Variants in UBN1 observed in about 807,000 individuals in gnomAD.
UBN1 encodes the protein ubinuclein 1.
Under a neutral mutation model 108.5 loss-of-function variants are expected in UBN1, and 17 were observed. That is an observed-to-expected ratio of 0.16 (90% CI 0.11 to 0.24). The LOEUF (loss-of-function observed/expected upper bound fraction) is 0.24. Ranked by LOEUF, UBN1 falls within the 10% of genes least tolerant of loss-of-function variation. UBN1 has a pLI of 1.00. For missense variants in UBN1, 1,595 were observed against 1,394.4 expected (o/e 1.14, Z -2.29); for synonymous variants, 726 against 564.2 (o/e 1.29, Z -4.07).
chr16:4,874,011 A>G (rs968436819), intron 14 of UBN1, among the ~76,000 whole-genome samples, 200 bp from the exon 15 acceptor site: 3 of 152,194 alleles, frequency 2.0e-5, no homozygotes, highest in Non-Finnish European at 4.4e-5. Context: ...CTGGCCAACC[A>G]GATACTCACC....
At chr16:4,857,172 T>C (rs7184484) in intron 2 of UBN1, among the ~76,000 whole-genome samples, 11,810 of 151,460 alleles carry the variant, frequency 0.078, 466 homozygotes, top group African/African-American at 0.087. Flanking sequence ...TGAAACCCTA[T>C]CTATACAAAA....
intron 2 of UBN1, among the ~76,000 whole-genome samples, chr16:4,857,043 T>G (rs1395501399): frequency 6.6e-6 from 1 of 152,130 alleles, no homozygotes; most frequent in Non-Finnish European, 1.5e-5. Flanking sequence ...TTATTAAAAT[T>G]AGGATTCCTG....
rs543689344 is a variant in UBN1, at chr16:4,871,127, G to C, written c.1560-28G>C. The C allele has an allele frequency of 4.3e-5, 69 of 1,613,072 alleles. 1 individual carries two copies. The highest frequency in any genetic ancestry group is 5.5e-5 in the Non-Finnish European group (65 of 1,179,652). ...TTGGAGCAGCATCTGAAGTAGTTTG[G>C]AGTTTCTGATTTCTGCCTCCTTCTC... On this transcript the variant is annotated intron_variant, in intron 11 of 17. Coordinates refer to ENST00000262376, the MANE Select transcript of UBN1 (RefSeq NM_001079514.3).
At position 4,880,655 on chromosome 16, in the gene UBN1, C is replaced by T. The variant is rs906780740; in HGVS notation, c.*523C>T. 2 of 157,186 alleles carry T rather than the reference C, an allele frequency of 1.3e-5. No individual in the cohort carries two copies. The highest frequency in any genetic ancestry group is 2.8e-5 in the Non-Finnish European group (2 of 70,530). The allele number at this position is 157,186 out of a possible 1,614,324, so 9.7% of individuals were successfully genotyped here. Reference sequence around the variant, plus strand: ...AGCTGGGAGACCTGCACTGTCCCTGCGAAATACTAAGAACACCTAGGGTGT... The same window carrying T: ...AGCTGGGAGACCTGCACTGTCCCTGTGAAATACTAAGAACACCTAGGGTGT... On this transcript the variant is annotated 3_prime_UTR_variant, in exon 18 of 18. Coordinates refer to ENST00000262376, the MANE Select transcript of UBN1 (RefSeq NM_001079514.3).
chr16:4,870,724 G>T, intron 10 of UBN1, 90 bp downstream of exon 10: 1 of 1,586,474 alleles, frequency 6.3e-7, no homozygotes, highest in Non-Finnish European at 8.6e-7. Flanking sequence ...TTCCCAAGGA[G>T]CCTCTTGGCT....
Position 4,873,543 on chromosome 16 carries a change from A to G in UBN1, c.1800+470A>G, listed in dbSNP as rs142356188. The stretch of plus-strand genomic sequence containing the variant: ...CCTTAGATGTTGCAGAAACCTCTCA[A>G]TGTAGTAAAAATTGCTGTTTATCAA... On this transcript the variant is annotated intron_variant, in intron 14 of 17. Coordinates refer to ENST00000262376, the MANE Select transcript of UBN1 (RefSeq NM_001079514.3). Among the ~76,000 whole-genome samples, 61 of 152,362 alleles carry G rather than the reference A, an allele frequency of 4.0e-4. 1 individual carries two copies. Among genetic ancestry groups the G allele is most frequent in the South Asian group, 2.3e-3 (11 of 4,830 alleles).
Position 4,870,618 on chromosome 16 carries a change from C to G in UBN1, c.1414C>G (p.Gln472Glu). Residue 472 changes from glutamine (Q) to glutamate (E), a missense_variant, in exon 10 of 18, where the codon CAG (glutamine) becomes GAG (glutamate). Physicochemically the swap from Gln to Glu is conservative, Grantham distance 29. This residue lies in a region of UBN1 where 1,398 missense variants were observed against 1,194.7 expected (regional missense o/e 1.17). Transcript: ENST00000262376. ...KYQDECQAHT[Q>E]AKVAKMLEEE... The stretch of plus-strand genomic sequence containing the variant: ...CCAGGACGAATGCCAGGCACACACG[C>G]AGGCAAAGGTTGCCAAGTAAGTTTG... The G allele has an allele frequency of 1.2e-6, 2 of 1,614,132 alleles. No homozygotes were observed. The highest frequency in any genetic ancestry group is 2.2e-5 in the East Asian group (1 of 44,858).
rs2087793356 is a variant in UBN1, at chr16:4,874,599, G to A, written c.2189G>A (p.Ser730Asn). Reference sequence around the variant, plus strand: ...AGTCCTTCTGCTCCACCACCAGCTAGCTCTCTGCAGTCACCCCTCAATTTT... The same window carrying A: ...AGTCCTTCTGCTCCACCACCAGCTAACTCTCTGCAGTCACCCCTCAATTTT... ...KPSPSAPPPASSLQSPLNFLA... is the reference protein window; with the variant it reads ...KPSPSAPPPANSLQSPLNFLA... Residue 730 changes from serine to asparagine, a missense_variant, in exon 15 of 18, where the codon AGC becomes AAC. By Grantham distance (46) the Ser-to-Asn change is conservative. This residue lies in a region of UBN1 where 1,398 missense variants were observed against 1,194.7 expected (regional missense o/e 1.17). Coordinates refer to ENST00000262376, the MANE Select transcript of UBN1 (RefSeq NM_001079514.3). 5.6e-6 allele frequency: 9 copies of A among 1,614,212 alleles called. No individual in the cohort carries two copies. The highest frequency in any genetic ancestry group is 7.6e-6 in the Non-Finnish European group (9 of 1,180,036).
chr16:4,874,379 C>G lies in UBN1; in HGVS notation c.1969C>G (p.Leu657Val), dbSNP rs772525250. The change falls in exon 15 of 18, where the codon CTG becomes GTG. Residue 657 changes from leucine to valine, a missense_variant. Around this residue, in one of 3 missense-constraint regions of UBN1, gnomAD observed 1,398 missense variants for 1,194.7 expected, o/e 1.17. Coordinates refer to ENST00000262376, the MANE Select transcript of UBN1 (RefSeq NM_001079514.3). ...GGLANPPPVN[L>V]EDSLDEDLIR... is the part of the protein sequence containing the mutation. ...CCTTGCTAACCCTCCTCCTGTCAACCTGGAGGACTCATTGGATGAAGACTT... is the reference window on the plus strand; with the variant it reads ...CCTTGCTAACCCTCCTCCTGTCAACGTGGAGGACTCATTGGATGAAGACTT... The G allele has an allele frequency of 1.9e-6, 3 of 1,613,976 alleles. No homozygotes were observed. Among genetic ancestry groups the G allele is most frequent in the East Asian group, 4.5e-5 (2 of 44,886 alleles).
intron 7 of UBN1, among the ~76,000 whole-genome samples, chr16:4,865,032 A>G (rs1330799614): frequency 6.6e-6 from 1 of 152,190 alleles, no homozygotes; most frequent in African/African-American, 2.4e-5. Flanking sequence ...AGGCTGTTGG[A>G]ACTCTTATAA....
chr16:4,865,011 A>G (rs1272036346), intron 7 of UBN1, among the ~76,000 whole-genome samples: 1 of 152,252 alleles, frequency 6.6e-6, no homozygotes, highest in African/African-American at 2.4e-5. Context: ...TAAATAAAAC[A>G]GCTCATTAAA....
At position 4,874,757 on chromosome 16, in the gene UBN1, C is replaced by A. The variant is rs373635271; in HGVS notation, c.2347C>A (p.His783Asn). 37 of 1,613,980 alleles carry A rather than the reference C, an allele frequency of 2.3e-5. No individual in the cohort carries two copies. The highest frequency in any genetic ancestry group is 2.9e-5 in the Non-Finnish European group (34 of 1,180,046). Residue 783 changes from histidine to asparagine, a missense_variant, in exon 15 of 18, where the codon CAC becomes AAC. His to Asn is a moderately conservative substitution (Grantham distance 68). Around this residue, in one of 3 missense-constraint regions of UBN1, gnomAD observed 1,398 missense variants for 1,194.7 expected, o/e 1.17. Transcript: ENST00000262376. ...LPEVHQSKAK[H>N]HSLPRTSHGP... ...AGAAGTACATCAGTCCAAAGCTAAG[C>A]ACCACAGCTTGCCACGGACGTCTCA...
At chr16:4,869,709 T>C (rs1876354) in intron 8 of UBN1, among the ~76,000 whole-genome samples, 71,372 of 152,068 alleles carry the variant, frequency 0.47, 17,401 homozygotes, top group African/African-American at 0.58. Flanking sequence ...AGGAACCTGC[T>C]TGAGCGTGCC....
intron 2 of UBN1, among the ~76,000 whole-genome samples, chr16:4,855,018 GGCCCGTGAAAAGCATTTTTAA>G (rs1336235887): frequency 1.3e-5 from 2 of 152,292 alleles, no homozygotes; most frequent in Non-Finnish European, 2.9e-5. Flanking sequence ...CACCGTGCCT[GGCCCGTGAAAAGCATTTTTAA>G]GCACCTGTGT....
intron 1 of UBN1, among the ~76,000 whole-genome samples, chr16:4,849,527 G>T (rs1392635773): frequency 6.6e-6 from 1 of 151,908 alleles, no homozygotes; most frequent in Non-Finnish European, 1.5e-5. Flanking sequence ...GATAACCAAG[G>T]GACAAGGAAG....
At position 4,874,339 on chromosome 16, in the gene UBN1, C is replaced by A; in HGVS notation, c.1929C>A (p.Ser643=). ...SIGASSRELP[S]QASGGLANPP... is the part of the protein sequence containing the mutation. ...GGGCCTCGAGCAGGGAGCTCCCATC[C>A]CAGGCATCGGGCGGCCTTGCTAACC... Residue 643 remains serine (S), a synonymous_variant, in exon 15 of 18, where the codon TCC becomes TCA. Coordinates refer to ENST00000262376, the MANE Select transcript of UBN1 (RefSeq NM_001079514.3). 1 of 1,614,156 alleles carries A rather than the reference C, an allele frequency of 6.2e-7. No homozygotes were observed. Among genetic ancestry groups the A allele is most frequent in the Non-Finnish European group, 8.5e-7 (1 of 1,180,036 alleles).
At chr16:4,868,978 C>T in intron 8 of UBN1, 75 bp downstream of exon 8, 1 of 1,497,342 alleles carries the variant, frequency 6.7e-7, no homozygotes. Flanking sequence ...AGCTAGGGGA[C>T]AGTGGGAGTA....
chr16:4,861,583 C>T (rs1015879614), intron 7 of UBN1, among the ~76,000 whole-genome samples: 3 of 152,206 alleles, frequency 2.0e-5, no homozygotes, highest in Admixed American at 1.3e-4. Context: ...GTAGTGATTA[C>T]AGGAATGCCT....
intron 7 of UBN1, among the ~76,000 whole-genome samples, chr16:4,862,731 T>C (rs1294421703): frequency 1.3e-5 from 2 of 152,258 alleles, no homozygotes; most frequent in Admixed American, 6.5e-5. Context: ...TGTTTCACTT[T>C]CTTGGGAAAG....
Sources: gnomAD v4.1 joint callset for allele counts (sites outside exome capture counted in the v4.1 genomes callset) on GRCh38, gnomAD v4.1.1 for gene constraint, gnomAD v4.1.1 regional missense constraint, MANE v1.5 for transcripts, NCBI Gene and HGNC (gene_info 2026-07-23, HGNC 2026-07-21) for gene names.